KMT2C: variants seen among roughly 807,000 people sequenced by gnomAD.
KMT2C encodes lysine methyltransferase 2C, also known as histone-lysine N-methyltransferase 2C.
KMT2C carries 88 observed loss-of-function variants against 507.9 expected under a neutral mutation model. The ratio of observed to expected loss-of-function variants is 0.17; its 90% CI spans 0.15 to 0.21. KMT2C has a LOEUF of 0.21. Among genes scored for constraint, KMT2C ranks in the 10% least tolerant of loss-of-function variants. KMT2C has a pLI of 1.00. For synonymous variants in KMT2C, 2,049 were observed against 2,080.8 expected (o/e 0.98, Z 0.42); for missense variants, 4,954 against 5,957.8 (o/e 0.83, Z 5.55).
chr7:152,152,692 C>T lies in KMT2C; in HGVS notation c.12526+13G>A, dbSNP rs2091731567. Reference sequence around the variant, plus strand: ...GAATGGATTTGGGGTTAACAAAAAGCTCACTAGCTCACCATTGCTTGTTGG... The same window carrying T: ...GAATGGATTTGGGGTTAACAAAAAGTTCACTAGCTCACCATTGCTTGTTGG... On this transcript the variant is annotated intron_variant, in intron 49 of 58. Coordinates refer to ENST00000262189, the MANE Select transcript of KMT2C (RefSeq NM_170606.3). 2 of 1,612,198 alleles carry T rather than the reference C, an allele frequency of 1.2e-6. No homozygotes were observed. Among genetic ancestry groups the T allele is most frequent in the Admixed American group, 3.3e-5 (2 of 59,978 alleles).
At chr7:152,350,708 A>G (rs2097103695) in intron 2 of KMT2C, among the ~76,000 whole-genome samples, 1 of 152,256 alleles carries the variant, frequency 6.6e-6, no homozygotes, top group Admixed American at 6.5e-5. Context: ...CTCAAACATT[A>G]CTATGCACTA....
At chr7:152,241,820 A>C (rs1231733142) in intron 14 of KMT2C, among the ~76,000 whole-genome samples, 1 of 152,250 alleles carries the variant, frequency 6.6e-6, no homozygotes, top group African/African-American at 2.4e-5. Context: ...TCGTACTCTA[A>C]GATAAAAATA....
At chr7:152,385,803 T>G (rs2097421072) in intron 1 of KMT2C, among the ~76,000 whole-genome samples, 3 of 151,092 alleles carry the variant, frequency 2.0e-5, no homozygotes. Flanking sequence ...ACATTATGCC[T>G]GAGGCCAGGT....
Position 152,148,290 on chromosome 7 carries a change from T to C in KMT2C, c.13637A>G (p.His4546Arg). 5.6e-6 allele frequency: 9 copies of C among 1,614,246 alleles called. No individual in the cohort carries two copies. The highest frequency in any genetic ancestry group is 7.6e-6 in the Non-Finnish European group (9 of 1,180,050). Reference sequence around the variant, plus strand: ...GATGAGGCTACCCACGCGAAAGGTATGGTCCCGTTCTCCTCGTTGCACGAT... The same window carrying C: ...GATGAGGCTACCCACGCGAAAGGTACGGTCCCGTTCTCCTCGTTGCACGAT... ...ASIVQRGERDHTFRVGSLIFH... is the reference protein window; with the variant it reads ...ASIVQRGERDRTFRVGSLIFH... Residue 4546 changes from histidine to arginine, a missense_variant, in exon 52 of 59, where the codon CAT becomes CGT. Physicochemically the swap from His to Arg is conservative, Grantham distance 29. Transcript: ENST00000262189. This position sits in a 1 kb window ranked among gnomAD's most constrained non-coding sequence, Gnocchi z 7.1.
intron 44 of KMT2C, among the ~76,000 whole-genome samples, chr7:152,157,033 A>G (rs1353225956): frequency 6.6e-6 from 1 of 152,204 alleles, no homozygotes. Flanking sequence ...AAAGATAAAG[A>G]ATTTCATGAG....
chr7:152,393,327 C>T (rs1184869118), intron 1 of KMT2C, among the ~76,000 whole-genome samples: 2 of 152,122 alleles, frequency 1.3e-5, no homozygotes, highest in Non-Finnish European at 2.9e-5. Flanking sequence ...AGTTTAAAAC[C>T]TCATTTACAG....
chr7:152,280,850 AT>A (rs967981355), intron 6 of KMT2C, among the ~76,000 whole-genome samples: 7 of 151,718 alleles, frequency 4.6e-5, no homozygotes, highest in Admixed American at 2.0e-4. Context: ...CATTTTTAAG[AT>A]TTTTTTTTAA....
chr7:152,209,439 A>G (rs2094399110), intron 23 of KMT2C, among the ~76,000 whole-genome samples: 1 of 141,830 alleles, frequency 7.1e-6, no homozygotes, highest in South Asian at 2.3e-4. Context: ...CCTGGGCGAC[A>G]GCGGGACTCC....
chr7:152,207,888 T>C (rs2094350214), intron 23 of KMT2C, among the ~76,000 whole-genome samples: 2 of 152,164 alleles, frequency 1.3e-5, no homozygotes, highest in Admixed American at 1.3e-4. Flanking sequence ...GGCATGGAAA[T>C]GTAACCCGGA....
chr7:152,390,929 G>A (rs553337873), intron 1 of KMT2C, among the ~76,000 whole-genome samples: 6 of 151,948 alleles, frequency 3.9e-5, no homozygotes, highest in East Asian at 2.0e-4. Context: ...GATGGATCAC[G>A]AGGTCAGGAG....
At chr7:152,420,781 G>A (rs2097772589) in intron 1 of KMT2C, among the ~76,000 whole-genome samples, 1 of 151,740 alleles carries the variant, frequency 6.6e-6, no homozygotes, top group Non-Finnish European at 1.5e-5. Context: ...GTTGCAGTGA[G>A]CTGAGATCGC....
At chr7:152,191,839 G>T (rs1191283191) in intron 31 of KMT2C, among the ~76,000 whole-genome samples, 2 of 152,178 alleles carry the variant, frequency 1.3e-5, no homozygotes, top group African/African-American at 2.4e-5. Flanking sequence ...ACTTGATCAT[G>T]CTTTGCCCTT....
chr7:152,355,388 G>C lies in KMT2C; in HGVS notation c.250+3199C>G, dbSNP rs921244062. Among the ~76,000 whole-genome samples, 50 of 152,050 alleles carry C rather than the reference G, an allele frequency of 3.3e-4. 1 individual carries two copies. Among genetic ancestry groups the C allele is most frequent in the Admixed American group, 1.7e-3 (26 of 15,270 alleles). On this transcript the variant is annotated intron_variant, in intron 2 of 58. Transcript: ENST00000262189. Reference sequence around the variant, plus strand: ...CTGAAAGATACAGGTTGTGTTCAAAGCAAGAAAGAGCTGGTGACGTAATTT... The same window carrying C: ...CTGAAAGATACAGGTTGTGTTCAAACCAAGAAAGAGCTGGTGACGTAATTT...
rs377568213 is a variant in KMT2C, at chr7:152,177,554, T to C, written c.7899A>G (p.Gln2633=). The C allele has an allele frequency of 1.2e-6, 2 of 1,614,230 alleles. No individual in the cohort carries two copies. Among genetic ancestry groups the C allele is most frequent in the Non-Finnish European group, 1.7e-6 (2 of 1,180,038 alleles). Residue 2633 remains glutamine (Q), a synonymous_variant, in exon 38 of 59, where the codon CAA becomes CAG. Transcript: ENST00000262189. The stretch of plus-strand genomic sequence containing the variant: ...ATGAATGGACAGAATGACCTTGCTC[T>C]TGTTGAGATGGTGGCACTTGTTCCA... ...PDLEQVPPSQ[Q]EQGHSVHSSS...
intron 1 of KMT2C, among the ~76,000 whole-genome samples, chr7:152,435,126 C>T (rs1279326172): frequency 2.0e-5 from 3 of 152,142 alleles, no homozygotes; most frequent in Non-Finnish European, 4.4e-5. Flanking sequence ...CAAACAAAAG[C>T]TGCACTCGCC....
At chr7:152,350,067 C>T (rs2097097453) in intron 2 of KMT2C, among the ~76,000 whole-genome samples, 1 of 152,114 alleles carries the variant, frequency 6.6e-6, no homozygotes, top group South Asian at 2.1e-4. Flanking sequence ...GCCTGACCAA[C>T]ATGGAAAACC....
intron 2 of KMT2C, among the ~76,000 whole-genome samples, chr7:152,341,362 G>T (rs1412937102): frequency 6.6e-6 from 1 of 152,206 alleles, no homozygotes; most frequent in African/African-American, 2.4e-5. Context: ...ACTTCAGTTT[G>T]AAAATTATGT....
intron 6 of KMT2C, among the ~76,000 whole-genome samples, chr7:152,290,620 T>C (rs1215087798): frequency 6.6e-6 from 1 of 151,858 alleles, no homozygotes; most frequent in African/African-American, 2.4e-5. Context: ...TAAATTATAA[T>C]TTTAAAGGGT....
intron 1 of KMT2C, among the ~76,000 whole-genome samples, chr7:152,423,499 T>C (rs1365851395): frequency 6.6e-6 from 1 of 152,200 alleles, no homozygotes; most frequent in Non-Finnish European, 1.5e-5. Flanking sequence ...TTTTGCTTCA[T>C]GGGACATGCA....
Sources: gnomAD v4.1 joint callset for allele counts (sites outside exome capture counted in the v4.1 genomes callset) on GRCh38, gnomAD v4.1.1 for gene constraint, Gnocchi (gnomAD v3.1) non-coding constraint, MANE v1.5 for transcripts, NCBI Gene and HGNC (gene_info 2026-07-23, HGNC 2026-07-21) for gene names.